SCYL2: variants seen among roughly 807,000 people sequenced by gnomAD.
SCYL2 encodes SCY1-like protein 2.
Under a neutral mutation model 100.4 loss-of-function variants are expected in SCYL2, and 36 were observed. That is an observed-to-expected ratio of 0.36 (90% CI 0.27 to 0.47). The LOEUF (loss-of-function observed/expected upper bound fraction) is 0.47, where lower values mean the gene tolerates loss of function less well. Ranked by LOEUF, SCYL2 falls within the 20% of genes least tolerant of loss-of-function variation. The pLI is 1.00. For missense variants in SCYL2, 902 were observed against 1,083.9 expected (o/e 0.83, Z 2.36); for synonymous variants, 330 against 359.2 (o/e 0.92, Z 0.92).
chr12:100,304,713 G>T (rs1376829942), intron 4 of SCYL2, among the ~76,000 whole-genome samples: 1 of 152,072 alleles, frequency 6.6e-6, no homozygotes, highest in Non-Finnish European at 1.5e-5. Context: ...TGGCAAATTG[G>T]ATGAAGAGTC....
Position 100,330,203 on chromosome 12 carries a change from A to G in SCYL2, c.1761+884A>G, listed in dbSNP as rs567599344. Among the ~76,000 whole-genome samples the G allele has an allele frequency of 5.9e-5, 9 of 152,314 alleles. No homozygotes were observed. In the South Asian group the frequency reaches 1.7e-3, roughly 28 times the overall value. On this transcript the variant is annotated intron_variant, in intron 13 of 17. Coordinates refer to ENST00000360820, the MANE Select transcript of SCYL2 (RefSeq NM_017988.6). ...GATTGGCAGATATATATAATACAGT[A>G]GGAGAATAATGGGAGAAAGATAAAT... is the stretch of plus-strand genomic sequence containing the variant.
chr12:100,282,585 G>A (rs1401904223), intron 1 of SCYL2, among the ~76,000 whole-genome samples: 2 of 151,956 alleles, frequency 1.3e-5, no homozygotes, highest in Non-Finnish European at 2.9e-5. Flanking sequence ...TTGGCCTCCC[G>A]AAGTGCTGAT....
At chr12:100,285,903 A>G (rs1404688458) in intron 2 of SCYL2, among the ~76,000 whole-genome samples, 1 of 152,134 alleles carries the variant, frequency 6.6e-6, no homozygotes, top group East Asian at 1.9e-4. Context: ...GTTATACTTT[A>G]TTTAAACTAG....
intron 10 of SCYL2, chr12:100,319,423 T>C: frequency 3.2e-6 from 1 of 311,976 alleles, no homozygotes; most frequent in South Asian, 2.9e-5. Context: ...GAAGATTAAG[T>C]GACATGAAAT....
At chr12:100,334,359 C>A in intron 14 of SCYL2, 93 bp downstream of exon 14, 1 of 787,142 alleles carries the variant, frequency 1.3e-6, no homozygotes, top group Non-Finnish European at 2.2e-6. Flanking sequence ...AGAAAACTTG[C>A]TGGATTTAAA....
chr12:100,335,961 G>A (rs1952271864), intron 16 of SCYL2, 55 bp downstream of exon 16: 2 of 1,269,210 alleles, frequency 1.6e-6, no homozygotes, highest in Non-Finnish European at 2.3e-6. Context: ...AGGACTTCCT[G>A]TAAACCACAG....
intron 1 of SCYL2, among the ~76,000 whole-genome samples, chr12:100,268,104 T>G (rs1221496307): frequency 1.3e-5 from 2 of 152,142 alleles, no homozygotes; most frequent in Admixed American, 1.3e-4. Flanking sequence ...AAATCCACCC[T>G]CTAAGGCACT....
chr12:100,325,673 T>C (rs1206974606), intron 11 of SCYL2, among the ~76,000 whole-genome samples: 3 of 152,178 alleles, frequency 2.0e-5, no homozygotes, highest in African/African-American at 7.2e-5. Context: ...CCAAGAGCTA[T>C]ATTTATTCAT....
intron 1 of SCYL2, among the ~76,000 whole-genome samples, chr12:100,270,694 C>T (rs142130955): frequency 0.014 from 2,024 of 149,354 alleles, 52 homozygotes; most frequent in African/African-American, 0.045. Context: ...AGGCTGGTCT[C>T]GAACTCCTGA....
chr12:100,335,904 AGAGT>A lies in SCYL2; in HGVS notation c.2025+3_2025+6del, dbSNP rs771030254. The A allele has an allele frequency of 1.4e-5, 23 of 1,609,388 alleles. No homozygotes were observed. The highest frequency in any genetic ancestry group is 2.0e-5 in the Non-Finnish European group (23 of 1,176,112). On this transcript the variant is annotated splice_donor_variant and coding_sequence_variant, in exon 16 of 18. Coordinates refer to ENST00000360820, the MANE Select transcript of SCYL2 (RefSeq NM_017988.6). LOFTEE classifies it high-confidence loss of function. ...GGACGGGTTACAGAATAAACATAAA[AGAGT>A]GAGTTTCCTTACTGTTCTTTCAGCC...
At chr12:100,334,561 A>C (rs776865374) in intron 14 of SCYL2, among the ~76,000 whole-genome samples, 1 of 152,104 alleles carries the variant, frequency 6.6e-6, no homozygotes, top group Non-Finnish European at 1.5e-5. Context: ...AGCCACTAGC[A>C]TTGTAAACTC....
intron 1 of SCYL2, among the ~76,000 whole-genome samples, chr12:100,278,419 C>T (rs1340342957): frequency 6.6e-6 from 1 of 152,092 alleles, no homozygotes; most frequent in Non-Finnish European, 1.5e-5. Context: ...AGGCTCATCT[C>T]GAACTGCTGG....
In SCYL2 at chr12:100,329,099, C is replaced by T. The variant is rs188418500; in HGVS notation, c.1643-102C>T. ...AGGCATTGATTGGGAAAAACTTGTA[C>T]TACACAGATTATCAAGGGATTTCGT... is the stretch of plus-strand genomic sequence containing the variant. On this transcript the variant is annotated intron_variant, in intron 12 of 17. Transcript: ENST00000360820. 6 of 627,470 alleles carry T rather than the reference C, an allele frequency of 9.6e-6. No homozygotes were observed. The Admixed American group carries it at 1.4e-4, about 15-fold the overall frequency. 38.9% of individuals were successfully genotyped at this position (627,470 alleles called of 1,614,324 possible). A position where few individuals can be genotyped will look rare whatever the true frequency, so the allele number is the denominator to read the frequency against.
At position 100,337,466 on chromosome 12, in the gene SCYL2, T is replaced by G; in HGVS notation, c.2105T>G (p.Leu702Arg). Residue 702 changes from leucine (L) to arginine (R), a missense_variant, in exon 17 of 18, where the codon CTT (leucine) becomes CGT (arginine). Coordinates refer to ENST00000360820, the MANE Select transcript of SCYL2 (RefSeq NM_017988.6). Reference sequence around the variant, plus strand: ...CAGAAGCTGAAAAGCCAGCAGCCTCTTAAACCCCAAGTGCACACACCTGTT... The same window carrying G: ...CAGAAGCTGAAAAGCCAGCAGCCTCGTAAACCCCAAGTGCACACACCTGTT... ...QAQKLKSQQP[L>R]KPQVHTPVAT... 6.2e-7 allele frequency: 1 copy of G among 1,612,914 alleles called. No individual in the cohort carries two copies. Among genetic ancestry groups the G allele is most frequent in the Non-Finnish European group, 8.5e-7 (1 of 1,179,584 alleles).
intron 12 of SCYL2, among the ~76,000 whole-genome samples, chr12:100,328,310 A>G (rs888664199): frequency 8.5e-5 from 13 of 152,170 alleles, no homozygotes; most frequent in African/African-American, 2.9e-4. Flanking sequence ...GGAGTTTGGC[A>G]TAGTAGAAAT....
intron 3 of SCYL2, among the ~76,000 whole-genome samples, chr12:100,294,393 C>T (rs1231463238): frequency 1.3e-4 from 15 of 114,478 alleles, no homozygotes; most frequent in Middle Eastern, 5.1e-3. Flanking sequence ...CTGACCCCCC[C>T]ACCTCCCTCC....
intron 1 of SCYL2, among the ~76,000 whole-genome samples, chr12:100,280,207 C>T (rs900613380): frequency 2.6e-5 from 4 of 152,138 alleles, no homozygotes; most frequent in African/African-American, 9.7e-5. Context: ...ACTCTTTGTT[C>T]CTCCCTCATG....
intron 4 of SCYL2, among the ~76,000 whole-genome samples, chr12:100,303,704 G>A (rs958295537): frequency 1.3e-5 from 2 of 152,180 alleles, no homozygotes. Context: ...GACCCCTGCT[G>A]GGAGGTGTCT....
intron 2 of SCYL2, among the ~76,000 whole-genome samples, chr12:100,284,283 C>A (rs1051622914): frequency 5.9e-5 from 9 of 152,274 alleles, no homozygotes; most frequent in African/African-American, 2.2e-4. Flanking sequence ...ACATGAGAAC[C>A]AGGCACAAAT....
Sources: allele counts gnomAD v4.1 joint callset (sites outside exome capture counted in the v4.1 genomes callset), GRCh38; gene constraint gnomAD v4.1.1; transcripts MANE v1.5; gene names NCBI Gene and HGNC (gene_info 2026-07-23, HGNC 2026-07-21).